Variants in C2CD5 observed in about 807,000 individuals in gnomAD.
The protein encoded by C2CD5 is C2 domain-containing protein 5.
A neutral mutation model predicts 130.3 loss-of-function variants in C2CD5; 109 were observed. The observed-to-expected ratio is 0.84, with a 90% CI of 0.72 to 0.98. The LOEUF is 0.98. Among genes scored for constraint, C2CD5 ranks in the 50% least tolerant of loss-of-function variants. The pLI, the probability that C2CD5 is intolerant of heterozygous loss-of-function variation, is 0.00. For missense variants in C2CD5, 996 were observed against 1,261.8 expected, an observed-to-expected ratio of 0.79 and a Z score of 3.19; for synonymous variants, 454 against 429.2, an observed-to-expected ratio of 1.06 and a Z score of -0.71.
At chr12:22,486,158 C>T (rs1018196503) in intron 12 of C2CD5, among the ~76,000 whole-genome samples, 75 of 150,278 alleles carry the variant, frequency 5.0e-4, no homozygotes, top group Non-Finnish European at 1.8e-4. Flanking sequence ...TGCTACTTAT[C>T]CTGTCTTTTT....
At chr12:22,482,402 C>T (rs949979668) in intron 14 of C2CD5, among the ~76,000 whole-genome samples, 155 bp downstream of exon 14, 3 of 152,128 alleles carry the variant, frequency 2.0e-5, no homozygotes, top group African/African-American at 7.2e-5. Context: ...AAACCTATCA[C>T]CAGATTTTTC....
At chr12:22,502,044 CAA>C (rs575623673) in intron 10 of C2CD5, among the ~76,000 whole-genome samples, 2 of 146,978 alleles carry the variant, frequency 1.4e-5, no homozygotes, top group African/African-American at 4.9e-5. Context: ...ATGTTTTTAT[CAA>C]AAAAAAAAAT....
chr12:22,491,524 T>A (rs914590408), intron 11 of C2CD5, among the ~76,000 whole-genome samples: 11 of 152,288 alleles, frequency 7.2e-5, no homozygotes, highest in African/African-American at 2.4e-4. Context: ...AAATTTATTT[T>A]ACATCATAAT....
In C2CD5 at chr12:22,515,255, T is replaced by C. The variant is rs554972984; in HGVS notation, c.953-1876A>G. On this transcript the variant is annotated intron_variant, in intron 8 of 26. Coordinates refer to ENST00000446597, the MANE Select transcript of C2CD5 (RefSeq NM_001286176.2). ...GCAAAATATAACAATAAAAATGAACTTTAAAATGTACAGACAAATTACACT... is the reference window on the plus strand; with the variant it reads ...GCAAAATATAACAATAAAAATGAACCTTAAAATGTACAGACAAATTACACT... 5.1e-5 allele frequency: 15 copies of C among 293,296 alleles called. No individual in the cohort carries two copies. The South Asian group carries it at 2.0e-3, about 38-fold the overall frequency. 18.2% of individuals were successfully genotyped at this position (293,296 alleles called of 1,614,324 possible). A position where few individuals can be genotyped will look rare whatever the true frequency, so the allele number is the denominator to read the frequency against.
chr12:22,506,262 C>T lies in C2CD5; in HGVS notation c.1147+449G>A, dbSNP rs1451642049. Among the ~76,000 whole-genome samples the T allele has an allele frequency of 2.0e-5, 3 of 152,136 alleles. No homozygotes were observed. The East Asian group carries it at 5.8e-4, about 29-fold the overall frequency. On this transcript the variant is annotated intron_variant, in intron 10 of 26. Coordinates refer to ENST00000446597, the MANE Select transcript of C2CD5 (RefSeq NM_001286176.2). ...CTCAAGCGATCCTCCTTGCCCCGGC[C>T]TCCTGAGTAGCTGGGACAACAGGCA... is the stretch of plus-strand genomic sequence containing the variant.
At chr12:22,514,548 G>A (rs551884014) in intron 8 of C2CD5, among the ~76,000 whole-genome samples, 2 of 151,998 alleles carry the variant, frequency 1.3e-5, no homozygotes, top group Non-Finnish European at 2.9e-5. Flanking sequence ...CAGAAAAAAA[G>A]ATAATAAAAG....
chr12:22,476,041 G>C (rs1212478534), intron 15 of C2CD5, among the ~76,000 whole-genome samples: 1 of 151,990 alleles, frequency 6.6e-6, no homozygotes, highest in Admixed American at 6.6e-5. Context: ...TAACTGTCTG[G>C]TATTTAATAT....
At chr12:22,475,406 TTTA>T (rs1453440467) in intron 15 of C2CD5, among the ~76,000 whole-genome samples, 1 of 152,182 alleles carries the variant, frequency 6.6e-6, no homozygotes, top group Non-Finnish European at 1.5e-5. Context: ...TGCTATTCAA[TTTA>T]TTAAGCTAAA....
intron 3 of C2CD5, among the ~76,000 whole-genome samples, chr12:22,532,077 T>C (rs1416960004): frequency 6.6e-6 from 1 of 152,200 alleles, no homozygotes; most frequent in African/African-American, 2.4e-5. Flanking sequence ...ACGCCTGTAA[T>C]CCCAGCACTT....
chr12:22,482,452 CAA>C lies in C2CD5; in HGVS notation c.1737+103_1737+104del, dbSNP rs1470409542. 6.3e-6 allele frequency: 6 copies of C among 950,402 alleles called. No individual in the cohort carries two copies. The East Asian group carries it at 1.5e-4, about 24-fold the overall frequency. 58.9% of individuals were successfully genotyped at this position (950,402 alleles called of 1,614,324 possible). ...CCTCGTCCCATAAAGGTCTTAATGT[CAA>C]AGTCTTTAGATAAGCCTTTGAAAAG... On this transcript the variant is annotated intron_variant, in intron 14 of 26. Coordinates refer to ENST00000446597, the MANE Select transcript of C2CD5 (RefSeq NM_001286176.2).
At chr12:22,470,606 A>G (rs1472780762) in intron 21 of C2CD5, among the ~76,000 whole-genome samples, 3 of 152,136 alleles carry the variant, frequency 2.0e-5, no homozygotes, top group Non-Finnish European at 4.4e-5. Context: ...AGCATTCTCT[A>G]TGTAAACATC....
intron 16 of C2CD5, among the ~76,000 whole-genome samples, chr12:22,473,339 G>A (rs2136199195): frequency 1.3e-5 from 2 of 152,218 alleles, no homozygotes; most frequent in East Asian, 3.9e-4. Flanking sequence ...CTGCACCTCA[G>A]TTTCTAAGTC....
At chr12:22,500,811 T>C (rs2136615120) in intron 10 of C2CD5, among the ~76,000 whole-genome samples, 1 of 145,264 alleles carries the variant, frequency 6.9e-6, no homozygotes, top group East Asian at 1.9e-4. Flanking sequence ...AATATGGTGG[T>C]ATATATTTTT....
rs1950476977 is a variant in C2CD5, at chr12:22,523,742, C to A, written c.602-118G>T. 6.8e-6 allele frequency: 5 copies of A among 734,958 alleles called. No homozygotes were observed. In the Admixed American group the frequency reaches 1.4e-4, roughly 20 times the overall value. The allele number at this position is 734,958 out of a possible 1,614,324, so 45.5% of individuals were successfully genotyped here. A position where few individuals can be genotyped will look rare whatever the true frequency, so the allele number is the denominator to read the frequency against. ...CCAAGAAAATCACAGATTTTCAGAACTTGAAGGAAACTTAAAAGATAATCT... is the reference window on the plus strand; with the variant it reads ...CCAAGAAAATCACAGATTTTCAGAAATTGAAGGAAACTTAAAAGATAATCT... On this transcript the variant is annotated intron_variant, in intron 6 of 26. Transcript: ENST00000446597.
At chr12:22,519,703 TAAAG>T (rs1010299744) in intron 7 of C2CD5, among the ~76,000 whole-genome samples, 2 of 152,050 alleles carry the variant, frequency 1.3e-5, no homozygotes, top group African/African-American at 2.4e-5. Flanking sequence ...ATATTTTCTA[TAAAG>T]AAAGTTAAAT....
At chr12:22,467,164 A>G (rs185334268) in intron 22 of C2CD5, among the ~76,000 whole-genome samples, 12 of 152,068 alleles carry the variant, frequency 7.9e-5, no homozygotes, top group African/African-American at 2.9e-4. Flanking sequence ...AAGTTATTTG[A>G]AATCATTTTT....
At chr12:22,519,080 A>G (rs1393267716) in intron 7 of C2CD5, 48 of 1,521,768 alleles carry the variant, frequency 3.2e-5, no homozygotes, top group Non-Finnish European at 4.0e-5. Flanking sequence ...CGTGGCCTGC[A>G]TCTCCCCAGC....
Position 22,472,481 on chromosome 12 carries a change from A to C in C2CD5, c.2108-134T>G, listed in dbSNP as rs16924984. 1,051 of 628,302 alleles carry C rather than the reference A, an allele frequency of 1.7e-3. 11 individuals are homozygous for C. The African/African-American group carries it at 0.018, about 10-fold the overall frequency. 38.9% of individuals were successfully genotyped at this position (628,302 alleles called of 1,614,324 possible). A position where few individuals can be genotyped will look rare whatever the true frequency, so the allele number is the denominator to read the frequency against. On this transcript the variant is annotated intron_variant, in intron 17 of 26. Transcript: ENST00000446597. ...TTTTTTCTTCTAAAACTATACCTGCAGGAGACTTTAAACCATCCTAATAAA... is the reference window on the plus strand; with the variant it reads ...TTTTTTCTTCTAAAACTATACCTGCCGGAGACTTTAAACCATCCTAATAAA...
chr12:22,474,409 C>CA lies in C2CD5; in HGVS notation c.2043+341dup, dbSNP rs1421444820. Among the ~76,000 whole-genome samples the CA allele has an allele frequency of 5.3e-5, 8 of 152,018 alleles. No individual in the cohort carries two copies. In the East Asian group the frequency reaches 5.8e-4, roughly 11 times the overall value. ...AAAATGTTATAACTACAGTAATATA[C>CA]AAAAAAGGTAATAATTATAGTAAGT... is the stretch of plus-strand genomic sequence containing the variant. On this transcript the variant is annotated intron_variant, in intron 16 of 26. Transcript: ENST00000446597.
Sources: gnomAD v4.1 joint callset for allele counts (sites outside exome capture counted in the v4.1 genomes callset) on GRCh38, gnomAD v4.1.1 for gene constraint, MANE v1.5 for transcripts, NCBI Gene and HGNC (gene_info 2026-07-23, HGNC 2026-07-21) for gene names.